The following RUNDC3B variants were observed in gnomAD, a reference collection of about 807,000 sequenced individuals.
RUNDC3B encodes RUN domain containing 3B.
Under a neutral mutation model 58.4 loss-of-function variants are expected in RUNDC3B, and 33 were observed. The observed-to-expected ratio is 0.56, with a 90% CI of 0.43 to 0.75. The LOEUF is 0.75. Among genes scored for constraint, RUNDC3B ranks in the 30% least tolerant of loss-of-function variants. The probability of loss-of-function intolerance (pLI) is 0.00; values close to 1 mark genes in which losing one functional copy is unlikely to be tolerated. For synonymous variants in RUNDC3B, 193 were observed against 195.2 expected (o/e 0.99, Z 0.10); for missense variants, 501 against 535.7 (o/e 0.94, Z 0.64).
At chr7:87,709,292 G>A (rs1253359433) in intron 3 of RUNDC3B, 10 of 985,080 alleles carry the variant, frequency 1.0e-5, no homozygotes, top group Admixed American at 1.2e-4. Context: ...GACTTCATTG[G>A]TGAAATTGTA....
chr7:87,730,683 G>A (rs1231624566), intron 4 of RUNDC3B, among the ~76,000 whole-genome samples: 1 of 151,862 alleles, frequency 6.6e-6, no homozygotes, highest in Admixed American at 6.6e-5. Flanking sequence ...TTTGCCATCT[G>A]CTGATTGTAG....
intron 2 of RUNDC3B, among the ~76,000 whole-genome samples, chr7:87,687,074 ATAATT>A (rs1217419234): frequency 6.6e-6 from 1 of 152,214 alleles, no homozygotes; most frequent in Non-Finnish European, 1.5e-5. Context: ...TAAATTGCGT[ATAATT>A]TAATCTGCTA....
At chr7:87,776,922 A>C (rs1370352207) in intron 7 of RUNDC3B, among the ~76,000 whole-genome samples, 1 of 152,104 alleles carries the variant, frequency 6.6e-6, no homozygotes, top group Non-Finnish European at 1.5e-5. Flanking sequence ...TCCTTAGAGG[A>C]ATTTGAAAGT....
intron 3 of RUNDC3B, among the ~76,000 whole-genome samples, chr7:87,708,767 C>G (rs1829821680): frequency 6.6e-6 from 1 of 151,996 alleles, no homozygotes; most frequent in Non-Finnish European, 1.5e-5. Context: ...TTCTTCTCTT[C>G]TAATTGTGTC....
intron 2 of RUNDC3B, among the ~76,000 whole-genome samples, chr7:87,659,936 C>T (rs28381749): frequency 0.016 from 2,444 of 152,142 alleles, 33 homozygotes; most frequent in Middle Eastern, 0.031. Context: ...GTTAAATCAC[C>T]TAAATATTCT....
chr7:87,712,408 C>T (rs1033131436), intron 4 of RUNDC3B, among the ~76,000 whole-genome samples: 1 of 151,924 alleles, frequency 6.6e-6, no homozygotes, highest in Non-Finnish European at 1.5e-5. Flanking sequence ...AACAAAGAAT[C>T]GTATCAGAAT....
chr7:87,727,872 G>C (rs984746278), intron 4 of RUNDC3B, among the ~76,000 whole-genome samples: 1 of 151,986 alleles, frequency 6.6e-6, no homozygotes, highest in Non-Finnish European at 1.5e-5. Flanking sequence ...CATACGGTAA[G>C]CTTCCTAGGA....
intron 2 of RUNDC3B, among the ~76,000 whole-genome samples, chr7:87,684,943 A>G (rs371782242): frequency 1.3e-4 from 20 of 151,236 alleles, no homozygotes; most frequent in Non-Finnish European, 2.2e-4. Context: ...CTTACCTCAC[A>G]TTTAGCTCAA....
chr7:87,729,245 A>G (rs1831435164), intron 4 of RUNDC3B, among the ~76,000 whole-genome samples: 1 of 151,946 alleles, frequency 6.6e-6, no homozygotes, highest in Admixed American at 6.6e-5. Context: ...TATCCGAACA[A>G]AAAAAAACAC....
intron 10 of RUNDC3B, among the ~76,000 whole-genome samples, chr7:87,820,945 C>A (rs1168235040): frequency 6.6e-6 from 1 of 151,462 alleles, no homozygotes; most frequent in Non-Finnish European, 1.5e-5. Flanking sequence ...ACTGAATGGG[C>A]AAAAACTGGA....
At chr7:87,795,705 C>A (rs1397846353) in intron 8 of RUNDC3B, among the ~76,000 whole-genome samples, 3 of 150,690 alleles carry the variant, frequency 2.0e-5, no homozygotes, top group Non-Finnish European at 3.0e-5. Flanking sequence ...CGGGGAAACC[C>A]CGTCTCTACT....
Position 87,628,424 on chromosome 7 carries a change from A to T in RUNDC3B, c.-400A>T, listed in dbSNP as rs1820818171. The T allele has an allele frequency of 6.3e-6, 1 of 159,968 alleles. No individual in the cohort carries two copies. The highest frequency in any genetic ancestry group is 2.4e-5 in the African/African-American group (1 of 41,426). 9.9% of individuals were successfully genotyped at this position (159,968 alleles called of 1,614,324 possible). ...CCGCTGCCTCCCGGGCTGGGGCACGAGTGGCTGCGGAGTGTGGGTGGTTGG... is the reference window on the plus strand; with the variant it reads ...CCGCTGCCTCCCGGGCTGGGGCACGTGTGGCTGCGGAGTGTGGGTGGTTGG... On this transcript the variant is annotated 5_prime_UTR_variant, in exon 1 of 11. Coordinates refer to ENST00000394654, the MANE Select transcript of RUNDC3B (RefSeq NM_001134405.2).
chr7:87,767,086 G>C (rs62489868), intron 6 of RUNDC3B, among the ~76,000 whole-genome samples: 3 of 152,026 alleles, frequency 2.0e-5, no homozygotes, highest in African/African-American at 7.2e-5. Context: ...ATTTCTTCAA[G>C]TTCTGTTTGG....
chr7:87,671,984 T>G (rs918823394), intron 2 of RUNDC3B, among the ~76,000 whole-genome samples: 23 of 152,182 alleles, frequency 1.5e-4, no homozygotes, highest in Admixed American at 1.1e-3. Context: ...GGGACCCACT[T>G]AAGCAGTTTG....
At position 87,820,286 on chromosome 7, in the gene RUNDC3B, A is replaced by G. The variant is rs1041501721; in HGVS notation, c.1225+4024A>G. The stretch of plus-strand genomic sequence containing the variant: ...TCTACACAAATAAACTAGAAAATCT[A>G]GAAGAAATGGATAAATTCCTCGACA... On this transcript the variant is annotated intron_variant, in intron 10 of 10. Transcript: ENST00000394654. 4.6e-5 allele frequency among the ~76,000 whole-genome samples: 7 copies of G among 152,360 alleles called. 1 individual carries two copies. Among genetic ancestry groups the G allele is most frequent in the Admixed American group, 1.3e-4 (2 of 15,296 alleles).
At chr7:87,735,834 T>C (rs778023095) in intron 4 of RUNDC3B, among the ~76,000 whole-genome samples, 32 of 152,196 alleles carry the variant, frequency 2.1e-4, no homozygotes, top group Admixed American at 7.2e-4. Flanking sequence ...TCTGTAATTA[T>C]CTTTGTCTTT....
intron 2 of RUNDC3B, among the ~76,000 whole-genome samples, chr7:87,668,548 A>G (rs1825503069): frequency 6.6e-6 from 1 of 151,308 alleles, no homozygotes; most frequent in South Asian, 2.1e-4. Flanking sequence ...TTCTTGCCTA[A>G]TTCTTTCAGT....
At chr7:87,790,599 T>C (rs1835471163) in intron 8 of RUNDC3B, among the ~76,000 whole-genome samples, 1 of 151,976 alleles carries the variant, frequency 6.6e-6, no homozygotes, top group Admixed American at 6.6e-5. Context: ...ATAATACAGG[T>C]AAGTAATTTG....
intron 4 of RUNDC3B, among the ~76,000 whole-genome samples, chr7:87,735,915 T>TAAG (rs1235967658): frequency 1.3e-5 from 2 of 152,188 alleles, no homozygotes; most frequent in Non-Finnish European, 1.5e-5. Flanking sequence ...TTATTTACCA[T>TAAG]TGTAACTATA....
Sources: allele counts gnomAD v4.1 joint callset (sites outside exome capture counted in the v4.1 genomes callset), GRCh38; gene constraint gnomAD v4.1.1; transcripts MANE v1.5; gene names NCBI Gene and HGNC (gene_info 2026-07-23, HGNC 2026-07-21).